Variants in XKR4 observed in about 807,000 individuals in gnomAD.
XKR4 encodes XK-related protein 4.
XKR4 carries 12 observed loss-of-function variants against 53.9 expected under a neutral mutation model. The observed-to-expected ratio is 0.22, with a 90% CI of 0.14 to 0.36. XKR4 has a LOEUF of 0.36. Among genes scored for constraint, XKR4 ranks in the 10% least tolerant of loss-of-function variants. XKR4 has a pLI of 1.00. For synonymous variants in XKR4, 354 were observed against 362.4 expected (o/e 0.98, Z 0.26); for missense variants, 799 against 859.5 (o/e 0.93, Z 0.88).
chr8:55,308,345 T>C (rs184352765), intron 1 of XKR4, among the ~76,000 whole-genome samples: 27 of 152,322 alleles, frequency 1.8e-4, no homozygotes, highest in African/African-American at 5.3e-4. Context: ...CAGTTCTGCC[T>C]GGCTGGGGAG....
intron 1 of XKR4, among the ~76,000 whole-genome samples, chr8:55,103,887 A>ATATC (rs1816100065): frequency 7.6e-6 from 1 of 132,278 alleles, no homozygotes; most frequent in Non-Finnish European, 1.6e-5. Flanking sequence ...ATATATATAT[A>ATATC]TATATATCCC....
chr8:55,132,063 G>T (rs1210234940), intron 1 of XKR4, among the ~76,000 whole-genome samples: 1 of 152,212 alleles, frequency 6.6e-6, no homozygotes, highest in Non-Finnish European at 1.5e-5. Context: ...GAATGTCCAG[G>T]TAACCAGCAG....
chr8:55,523,020 TAGTC>T (rs1275684637), intron 2 of XKR4, among the ~76,000 whole-genome samples: 1 of 151,942 alleles, frequency 6.6e-6, no homozygotes, highest in Admixed American at 6.6e-5. Flanking sequence ...TGGGCGCCTG[TAGTC>T]CCAGCTACTG....
At chr8:55,130,113 C>A (rs1237583628) in intron 1 of XKR4, among the ~76,000 whole-genome samples, 1 of 152,162 alleles carries the variant, frequency 6.6e-6, no homozygotes, top group Admixed American at 6.5e-5. Flanking sequence ...CAGCTCCAAT[C>A]AGCTGTTTTG....
intron 1 of XKR4, among the ~76,000 whole-genome samples, chr8:55,147,745 A>T (rs75897172): frequency 6.6e-6 from 1 of 152,242 alleles, no homozygotes. Context: ...ATGCACGAGA[A>T]GTAAAATCTC....
intron 1 of XKR4, among the ~76,000 whole-genome samples, chr8:55,337,997 G>A (rs1446984235): frequency 1.3e-5 from 2 of 152,256 alleles, no homozygotes; most frequent in South Asian, 2.1e-4. Context: ...TCTTGCCTAA[G>A]CTGACTGGAA....
At chr8:55,492,565 C>G (rs2658910) in intron 2 of XKR4, among the ~76,000 whole-genome samples, 64,439 of 151,772 alleles carry the variant, frequency 0.42, 15,729 homozygotes, top group African/African-American at 0.68. Flanking sequence ...ACTGAGTACT[C>G]TTTGTGATTG....
At chr8:55,202,680 C>T (rs574823740) in intron 1 of XKR4, among the ~76,000 whole-genome samples, 8 of 152,254 alleles carry the variant, frequency 5.3e-5, no homozygotes, top group Admixed American at 1.3e-4. Context: ...TTGTAACTTT[C>T]GAGATATTGG....
chr8:55,228,912 T>C (rs974463972), intron 1 of XKR4, among the ~76,000 whole-genome samples: 3 of 152,098 alleles, frequency 2.0e-5, no homozygotes, highest in African/African-American at 7.3e-5. Flanking sequence ...GATTCTGGAT[T>C]AGGGAATTTA....
At chr8:55,174,986 A>G (rs537907444) in intron 1 of XKR4, among the ~76,000 whole-genome samples, 10 of 152,374 alleles carry the variant, frequency 6.6e-5, no homozygotes, top group Admixed American at 3.9e-4. Context: ...GATGGAGGTC[A>G]GCTACCACTG....
At chr8:55,309,692 G>T (rs1413180006) in intron 1 of XKR4, among the ~76,000 whole-genome samples, 2 of 152,184 alleles carry the variant, frequency 1.3e-5, no homozygotes, top group Admixed American at 1.3e-4. Context: ...ATAAGGCAAA[G>T]TGTACAAGAG....
intron 2 of XKR4, 133 bp downstream of exon 2, chr8:55,358,010 G>A (rs376442386): frequency 3.2e-5 from 28 of 864,482 alleles, no homozygotes; most frequent in Middle Eastern, 3.6e-4. Flanking sequence ...CATGTGTTTC[G>A]TGAATGATGC....
chr8:55,421,247 C>A (rs1250750886), intron 2 of XKR4, among the ~76,000 whole-genome samples: 2 of 150,998 alleles, frequency 1.3e-5, no homozygotes, highest in African/African-American at 5.0e-5. Context: ...ATTAGGCAAT[C>A]AAACCTCTGG....
chr8:55,216,620 G>A (rs1011957516), intron 1 of XKR4, among the ~76,000 whole-genome samples: 9 of 151,812 alleles, frequency 5.9e-5, no homozygotes, highest in Non-Finnish European at 7.4e-5. Flanking sequence ...CCAGCTACTC[G>A]GGAGGCTGAG....
intron 2 of XKR4, among the ~76,000 whole-genome samples, chr8:55,393,443 G>GAAGGAAGGAAGGAAGGAAGA: frequency 1.3e-5 from 1 of 79,588 alleles, no homozygotes; most frequent in East Asian, 4.0e-4. Context: ...AGGAAGGAAG[G>GAAGGAAGGAAGGAAGGAAGA]AAGGAAGGAA....
At chr8:55,236,663 C>T (rs1015578582) in intron 1 of XKR4, among the ~76,000 whole-genome samples, 1 of 152,200 alleles carries the variant, frequency 6.6e-6, no homozygotes, top group Non-Finnish European at 1.5e-5. Context: ...CAGTCAGGCC[C>T]TCTACCCTCC....
intron 2 of XKR4, among the ~76,000 whole-genome samples, chr8:55,423,165 G>A (rs928578196): frequency 6.6e-6 from 1 of 150,934 alleles, no homozygotes; most frequent in Non-Finnish European, 1.5e-5. Flanking sequence ...GCACGATTTT[G>A]GCTTACTGCA....
intron 1 of XKR4, among the ~76,000 whole-genome samples, chr8:55,273,829 G>A (rs1452341807): frequency 1.3e-5 from 2 of 152,194 alleles, no homozygotes; most frequent in African/African-American, 4.8e-5. Context: ...CACACAGCCA[G>A]CTCTGCTTAA....
chr8:55,451,351 C>T (rs961730721), intron 2 of XKR4: 5 of 654,264 alleles, frequency 7.6e-6, no homozygotes, highest in African/African-American at 1.8e-5. Flanking sequence ...TCTGGGGCTG[C>T]CAATGTGACT....
Sources: gnomAD v4.1 joint callset for allele counts (sites outside exome capture counted in the v4.1 genomes callset) on GRCh38, gnomAD v4.1.1 for gene constraint, MANE v1.5 for transcripts, NCBI Gene and HGNC (gene_info 2026-07-23, HGNC 2026-07-21) for gene names.